Variants in AUTS2 observed in about 807,000 individuals in gnomAD.
AUTS2 encodes the protein activator of transcription and developmental regulator AUTS2.
A neutral mutation model predicts 112.4 loss-of-function variants in AUTS2; 17 were observed. That is an observed-to-expected ratio of 0.15 (90% CI 0.10 to 0.23). The LOEUF (loss-of-function observed/expected upper bound fraction) is 0.23. AUTS2 is among the 10% of genes least tolerant of loss of function. The pLI is 1.00. For missense variants in AUTS2, 1,510 were observed against 1,701.6 expected (o/e 0.89, Z 1.98); for synonymous variants, 751 against 702.7 (o/e 1.07, Z -1.09).
chr7:70,465,547 T>C (rs1797137768), intron 5 of AUTS2, among the ~76,000 whole-genome samples: 1 of 152,124 alleles, frequency 6.6e-6, no homozygotes, highest in Non-Finnish European at 1.5e-5. Flanking sequence ...TGGTGGAAAT[T>C]TGCAGGTAAT....
intron 5 of AUTS2, among the ~76,000 whole-genome samples, chr7:70,663,224 G>A (rs527678004): frequency 5.3e-5 from 8 of 151,984 alleles, no homozygotes; most frequent in Admixed American, 1.3e-4. Flanking sequence ...ATGAAACCCC[G>A]TCTCTACTAA....
rs34637651 is a variant in AUTS2, at chr7:70,191,161, CT to C, written c.660+56615del. Among the ~76,000 whole-genome samples, 501 of 86,404 alleles carry C rather than the reference CT, an allele frequency of 5.8e-3. 2 individuals carry two copies. The highest frequency in any genetic ancestry group is 0.012 in the Middle Eastern group (1 of 82). 56.7% of individuals were successfully genotyped at this position (86,404 alleles called of 152,430 possible). A position where few individuals can be genotyped will look rare whatever the true frequency, so the allele number is the denominator to read the frequency against. On this transcript the variant is annotated intron_variant, in intron 4 of 18. Transcript: ENST00000342771. ...GCTTTCAAATGTCATCCACTTATTT[CT>C]TTTTTTTTTTTTTTTTTTTTTTTTG...
At chr7:69,888,473 T>G (rs989640247) in intron 1 of AUTS2, among the ~76,000 whole-genome samples, 1 of 149,142 alleles carries the variant, frequency 6.7e-6, no homozygotes, top group Non-Finnish European at 1.5e-5. Flanking sequence ...AGGGCATTAA[T>G]CTATTTATGA....
At chr7:69,630,479 G>T (rs757794497) in intron 1 of AUTS2, among the ~76,000 whole-genome samples, 30 of 152,122 alleles carry the variant, frequency 2.0e-4, no homozygotes, top group Non-Finnish European at 3.5e-4. Flanking sequence ...GTAAACGTCT[G>T]GTTGTGAATC....
At chr7:70,602,132 A>G (rs935038997) in intron 5 of AUTS2, among the ~76,000 whole-genome samples, 1 of 151,862 alleles carries the variant, frequency 6.6e-6, no homozygotes, top group African/African-American at 2.4e-5. Context: ...ACACCTTGAA[A>G]ATGACATATT....
chr7:70,785,382 C>G (rs1490457829), intron 16 of AUTS2: 7 of 518,042 alleles, frequency 1.4e-5, no homozygotes, highest in Non-Finnish European at 2.2e-5. Flanking sequence ...AAGGTCACCT[C>G]TAGGAAGCGG....
chr7:70,686,881 C>T (rs1400589277), intron 5 of AUTS2, among the ~76,000 whole-genome samples: 2 of 152,152 alleles, frequency 1.3e-5, no homozygotes, highest in Non-Finnish European at 2.9e-5. Flanking sequence ...TAAATCCAAT[C>T]GAATTTAGCA....
intron 2 of AUTS2, among the ~76,000 whole-genome samples, chr7:69,965,761 A>G (rs1229217319): frequency 2.0e-5 from 3 of 151,922 alleles, no homozygotes; most frequent in African/African-American, 4.8e-5. Flanking sequence ...TCTCTTTTCT[A>G]CCTCCTCTGT....
intron 1 of AUTS2, among the ~76,000 whole-genome samples, chr7:69,741,106 C>T (rs11975506): frequency 0.1 from 15,628 of 152,068 alleles, 1,315 homozygotes; most frequent in African/African-American, 0.23. Context: ...TCTTGATCCA[C>T]TGAGGATTTA....
At chr7:70,526,288 C>T (rs1158871287) in intron 5 of AUTS2, among the ~76,000 whole-genome samples, 1 of 152,324 alleles carries the variant, frequency 6.6e-6, no homozygotes, top group Non-Finnish European at 1.5e-5. Context: ...TAAGACACCG[C>T]ACGCTCTGCT....
At chr7:70,086,534 G>C (rs1803610770) in intron 2 of AUTS2, among the ~76,000 whole-genome samples, 1 of 151,388 alleles carries the variant, frequency 6.6e-6, no homozygotes, top group Non-Finnish European at 1.5e-5. Flanking sequence ...CCAGCTACTT[G>C]GGAGGCTGAG....
intron 2 of AUTS2, among the ~76,000 whole-genome samples, chr7:70,066,512 C>G (rs573625556): frequency 6.7e-6 from 1 of 148,990 alleles, no homozygotes; most frequent in Non-Finnish European, 1.5e-5. Context: ...ATTTTAAAAT[C>G]TAACTTTACA....
intron 1 of AUTS2, among the ~76,000 whole-genome samples, chr7:69,771,598 T>C (rs1298703327): frequency 6.6e-6 from 1 of 152,112 alleles, no homozygotes; most frequent in African/African-American, 2.4e-5. Context: ...AGGGTGAAGG[T>C]GTCTTAGAGG....
intron 1 of AUTS2, among the ~76,000 whole-genome samples, chr7:69,630,286 T>C (rs1318831244): frequency 1.3e-5 from 2 of 152,178 alleles, no homozygotes; most frequent in African/African-American, 4.8e-5. Flanking sequence ...ATATTTCTAT[T>C]GTGAAACAAA....
chr7:70,647,615 C>T (rs1358197041), intron 5 of AUTS2, among the ~76,000 whole-genome samples: 2 of 152,246 alleles, frequency 1.3e-5, no homozygotes, highest in Non-Finnish European at 2.9e-5. Flanking sequence ...TCCTGGGTCA[C>T]ACCCTGGCTC....
At chr7:70,482,159 A>G (rs1402631117) in intron 5 of AUTS2, among the ~76,000 whole-genome samples, 3 of 152,184 alleles carry the variant, frequency 2.0e-5, no homozygotes, top group Non-Finnish European at 4.4e-5. Flanking sequence ...TTTAGGAAAA[A>G]GTGTTCAGTA....
intron 2 of AUTS2, among the ~76,000 whole-genome samples, chr7:70,037,251 G>A (rs1801046610): frequency 6.6e-6 from 1 of 152,202 alleles, no homozygotes; most frequent in Non-Finnish European, 1.5e-5. Flanking sequence ...GGAAGGAAAT[G>A]TGGAGATTTG....
intron 2 of AUTS2, among the ~76,000 whole-genome samples, chr7:70,015,971 T>C (rs1428266831): frequency 6.6e-6 from 1 of 152,182 alleles, no homozygotes; most frequent in Non-Finnish European, 1.5e-5. Context: ...ATTCAGTCTA[T>C]GTTTCTAGTA....
intron 6 of AUTS2, among the ~76,000 whole-genome samples, chr7:70,702,613 G>A (rs1193975830): frequency 6.6e-6 from 1 of 152,158 alleles, no homozygotes; most frequent in African/African-American, 2.4e-5. Flanking sequence ...CAGGGAATGA[G>A]GCCCCTCATT....
Sources: allele counts gnomAD v4.1 joint callset (sites outside exome capture counted in the v4.1 genomes callset), GRCh38; gene constraint gnomAD v4.1.1; transcripts MANE v1.5; gene names NCBI Gene and HGNC (gene_info 2026-07-23, HGNC 2026-07-21).